ZBTB40: variants seen among roughly 807,000 people sequenced by gnomAD.
ZBTB40 encodes the protein zinc finger and BTB domain-containing protein 40.
ZBTB40 carries 60 observed loss-of-function variants against 117.5 expected under a neutral mutation model. That is an observed-to-expected ratio of 0.51 (90% CI 0.41 to 0.63). The LOEUF is 0.63. Ranked by LOEUF, ZBTB40 falls within the 30% of genes least tolerant of loss-of-function variation. ZBTB40 has a pLI of 0.00. For missense variants in ZBTB40, 1,287 were observed against 1,498.5 expected (o/e 0.86, Z 2.33); for synonymous variants, 525 against 577.1 (o/e 0.91, Z 1.29).
intron 9 of ZBTB40, among the ~76,000 whole-genome samples, chr1:22,510,728 T>C (rs1487679595): frequency 6.6e-6 from 1 of 152,228 alleles, no homozygotes; most frequent in Non-Finnish European, 1.5e-5. Context: ...TCTAAAAATA[T>C]GAAGCCACTG....
rs1328616348 is a variant in ZBTB40, at chr1:22,520,213, C to T, written c.2986C>T (p.His996Tyr). The T allele has an allele frequency of 6.2e-7, 1 of 1,613,926 alleles. No homozygotes were observed. The highest frequency in any genetic ancestry group is 1.3e-5 in the African/African-American group (1 of 74,924). ...CAGTGCCCCGTCCATGCTGGAGCGG[C>T]ACGTGGTGACCCACGTTGGAGGGAA... is the stretch of plus-strand genomic sequence containing the variant. The part of the protein sequence containing the change: ...IFSAPSMLER[H>Y]VVTHVGGKPF... The change falls in exon 14 of 18, where the codon CAC becomes TAC. Residue 996 changes from histidine (H) to tyrosine (Y), a missense_variant. Coordinates refer to ENST00000375647, the MANE Select transcript of ZBTB40 (RefSeq NM_014870.4).
At chr1:22,436,506 C>G (rs758038472) in intron 1 of ZBTB40, among the ~76,000 whole-genome samples, 6 of 151,746 alleles carry the variant, frequency 4.0e-5, no homozygotes, top group Non-Finnish European at 7.4e-5. Context: ...GAGTGAAACT[C>G]CATCTCAAAA....
At position 22,508,042 on chromosome 1, in the gene ZBTB40, C is replaced by T. The variant is rs565946544; in HGVS notation, c.1402C>T (p.Arg468Cys). 25 of 1,614,118 alleles carry T rather than the reference C, an allele frequency of 1.5e-5. No individual in the cohort carries two copies. The highest frequency in any genetic ancestry group is 6.6e-5 in the South Asian group (6 of 91,082). Residue 468 changes from arginine to cysteine, a missense_variant, in exon 7 of 18, where the codon CGC becomes TGC. Around this residue, in one of 2 missense-constraint regions of ZBTB40, gnomAD observed 870 missense variants for 934.4 expected, o/e 0.93. Transcript: ENST00000375647. Reference sequence around the variant, plus strand: ...TGATTATGGGACTGAGCTATTGAGACGCTATCATGAAAACCTCTCTGAGAT... The same window carrying T: ...TGATTATGGGACTGAGCTATTGAGATGCTATCATGAAAACCTCTCTGAGAT... ...PDDYGTELLR[R>C]YHENLSEIFT...
chr1:22,467,079 A>G (rs924857011), intron 1 of ZBTB40, among the ~76,000 whole-genome samples: 5 of 152,142 alleles, frequency 3.3e-5, no homozygotes, highest in African/African-American at 1.2e-4. Context: ...TTAACCATTA[A>G]TACTATTGCT....
Position 22,508,755 on chromosome 1 carries a change from G to T in ZBTB40, c.1699+24G>T, listed in dbSNP as rs770223003. The T allele has an allele frequency of 8.0e-5, 129 of 1,608,338 alleles. 1 individual carries two copies. The highest frequency in any genetic ancestry group is 6.3e-4 in the Middle Eastern group (3 of 4,772). On this transcript the variant is annotated intron_variant, in intron 8 of 17. Coordinates refer to ENST00000375647, the MANE Select transcript of ZBTB40 (RefSeq NM_014870.4). ...AGGTAAGTTACCTGCCCTCTGGGGGGGTTTTGCCCCCACTAGAGATGACTG... is the reference window on the plus strand; with the variant it reads ...AGGTAAGTTACCTGCCCTCTGGGGGTGTTTTGCCCCCACTAGAGATGACTG...
At chr1:22,502,208 T>A (rs1184663800) in intron 4 of ZBTB40, 91 bp from the exon 5 acceptor site, 18 of 1,466,114 alleles carry the variant, frequency 1.2e-5, no homozygotes, top group African/African-American at 1.4e-5. Flanking sequence ...ATCACTTTAC[T>A]ATTCTGTTAG....
At chr1:22,467,893 C>T (rs868672015) in intron 1 of ZBTB40, among the ~76,000 whole-genome samples, 3 of 150,906 alleles carry the variant, frequency 2.0e-5, no homozygotes, top group East Asian at 3.9e-4. Context: ...CAGGAGTTCG[C>T]GAGCAGCCTG....
intron 1 of ZBTB40, among the ~76,000 whole-genome samples, chr1:22,474,810 GA>G (rs752896005): frequency 8.5e-5 from 13 of 152,124 alleles, no homozygotes; most frequent in Non-Finnish European, 1.3e-4. Context: ...ATAAAGTAAT[GA>G]ACTTCTGTTC....
At position 22,513,122 on chromosome 1, in the gene ZBTB40, A is replaced by G. The variant is rs1195774352; in HGVS notation, c.2660A>G (p.His887Arg). 1 of 1,613,924 alleles carries G rather than the reference A, an allele frequency of 6.2e-7. No homozygotes were observed. The highest frequency in any genetic ancestry group is 8.5e-7 in the Non-Finnish European group (1 of 1,179,952). Reference sequence around the variant, plus strand: ...CTGGCCTATCACACCAAGAAGAAGCACTCAGAAGGTAAGGCGGGGCACAGT... The same window carrying G: ...CTGGCCTATCACACCAAGAAGAAGCGCTCAGAAGGTAAGGCGGGGCACAGT... ...SALAYHTKKK[H>R]SEGKMYACQY... Residue 887 changes from histidine (H) to arginine (R), a missense_variant, in exon 12 of 18, where the codon CAC (histidine) becomes CGC (arginine). Transcript: ENST00000375647. This position sits in a 1 kb window ranked among gnomAD's most constrained non-coding sequence, Gnocchi z 4.9.
At chr1:22,438,196 C>G (rs1358703657) in intron 1 of ZBTB40, among the ~76,000 whole-genome samples, 1 of 152,182 alleles carries the variant, frequency 6.6e-6, no homozygotes. Flanking sequence ...CCTCTCCCTC[C>G]AGCCACTGGT....
In ZBTB40 at chr1:22,472,438, G is replaced by A. The variant is rs147744525; in HGVS notation, c.-69-17442G>A. ...TGAACTCAAGTGATCCTCCTGCCTCGGCCTCCCAAAGTGTTGGGATTACAG... is the reference window on the plus strand; with the variant it reads ...TGAACTCAAGTGATCCTCCTGCCTCAGCCTCCCAAAGTGTTGGGATTACAG... On this transcript the variant is annotated intron_variant, in intron 1 of 17. Transcript: ENST00000375647. 5.3e-4 allele frequency among the ~76,000 whole-genome samples: 80 copies of A among 152,210 alleles called. 1 individual carries two copies. The South Asian group carries it at 0.015, about 28-fold the overall frequency.
At chr1:22,461,091 A>G (rs1440166693) in intron 1 of ZBTB40, among the ~76,000 whole-genome samples, 2 of 152,244 alleles carry the variant, frequency 1.3e-5, no homozygotes, top group Non-Finnish European at 2.9e-5. Flanking sequence ...TTTAAATTAA[A>G]TAACAATGAA....
chr1:22,445,604 T>C (rs1427891818), intron 1 of ZBTB40, among the ~76,000 whole-genome samples: 1 of 152,146 alleles, frequency 6.6e-6, no homozygotes, highest in African/African-American at 2.4e-5. Flanking sequence ...ATGCCTGTAA[T>C]CCCAGCACTT....
chr1:22,480,944 T>G (rs1638290786), intron 1 of ZBTB40, among the ~76,000 whole-genome samples: 1 of 152,146 alleles, frequency 6.6e-6, no homozygotes, highest in Non-Finnish European at 1.5e-5. Context: ...AGGGTCTCAG[T>G]GCTAACTCCC....
At chr1:22,488,817 A>G (rs988051641) in intron 1 of ZBTB40, among the ~76,000 whole-genome samples, 2 of 152,198 alleles carry the variant, frequency 1.3e-5, no homozygotes, top group Non-Finnish European at 2.9e-5. Flanking sequence ...GGGTAGCAGT[A>G]GGGGAGGATG....
chr1:22,502,490 TA>T lies in ZBTB40; in HGVS notation c.1167+56del, dbSNP rs751984490. ...CCTCCTCCTGAATTCATATAGCACT[TA>T]AAAAAATGCTTTTGTGGCACATAGC... On this transcript the variant is annotated intron_variant, in intron 5 of 17. Transcript: ENST00000375647. The T allele has an allele frequency of 7.4e-6, 12 of 1,612,704 alleles. No individual in the cohort carries two copies. In the South Asian group the frequency reaches 1.2e-4, roughly 16 times the overall value.
At chr1:22,450,361 G>A (rs1342130339), upstream of ZBTB40, among the ~76,000 whole-genome samples, 1 of 152,232 alleles carries the variant, frequency 6.6e-6, no homozygotes, top group African/African-American at 2.4e-5. Context: ...TGAGGCTGGT[G>A]GAAATGAGGG....
chr1:22,522,245 T>C (rs1639546389), intron 15 of ZBTB40, 132 bp from the exon 16 acceptor site: 1 of 846,140 alleles, frequency 1.2e-6, no homozygotes, highest in Non-Finnish European at 2.0e-6. Context: ...CCATAGGTTA[T>C]AAGATTCCTG....
intron 1 of ZBTB40, among the ~76,000 whole-genome samples, chr1:22,473,688 C>T (rs1211115785): frequency 6.6e-6 from 1 of 152,178 alleles, no homozygotes; most frequent in Non-Finnish European, 1.5e-5. Context: ...TGACCAGTTC[C>T]CTCAGGATGA....
Sources: allele counts gnomAD v4.1 joint callset (sites outside exome capture counted in the v4.1 genomes callset), GRCh38; gene constraint gnomAD v4.1.1; regional missense constraint gnomAD v4.1.1; non-coding constraint Gnocchi (gnomAD v3.1); transcripts MANE v1.5; gene names NCBI Gene and HGNC (gene_info 2026-07-23, HGNC 2026-07-21).